Variants in ESR1 observed in about 807,000 individuals in gnomAD.
ESR1 encodes estrogen receptor 1, also known as estrogen receptor.
ESR1 carries 12 observed loss-of-function variants against 52.7 expected under a neutral mutation model. The observed-to-expected ratio is 0.23, with a 90% CI of 0.15 to 0.37. The LOEUF is 0.37. Ranked by LOEUF, ESR1 falls within the 10% of genes least tolerant of loss-of-function variation. ESR1 has a pLI of 1.00. For missense variants in ESR1, 584 were observed against 779.7 expected, an observed-to-expected ratio of 0.75 and a Z score of 2.99; for synonymous variants, 305 against 316.8, an observed-to-expected ratio of 0.96 and a Z score of 0.39.
At chr6:151,806,557 T>TATATATATATATATATATACATATAC (rs1554259008), upstream of ESR1, among the ~76,000 whole-genome samples, 1 of 133,790 alleles carries the variant, frequency 7.5e-6, no homozygotes. Flanking sequence ...TATATATATA[T>TATATATATATATATATATACATATAC]ACACATATAT....
At chr6:152,059,468 A>G (rs2047377507) in intron 5 of ESR1, among the ~76,000 whole-genome samples, 1 of 152,070 alleles carries the variant, frequency 6.6e-6, no homozygotes, top group Non-Finnish European at 1.5e-5. Context: ...ACCATAAGAA[A>G]AACAATTAAA....
intron 5 of ESR1, among the ~76,000 whole-genome samples, chr6:152,036,867 C>A (rs980758470): frequency 3.9e-5 from 6 of 152,142 alleles, no homozygotes; most frequent in Admixed American, 1.3e-4. Flanking sequence ...TGGGGAGGAA[C>A]CCTGTTTACC....
At chr6:152,006,157 A>C (rs2042316302) in intron 4 of ESR1, among the ~76,000 whole-genome samples, 1 of 152,046 alleles carries the variant, frequency 6.6e-6, no homozygotes, top group African/African-American at 2.4e-5. Context: ...ACAAGTGATT[A>C]TTTATTCCAT....
In ESR1 at chr6:152,061,175, A is replaced by G. The variant is rs1422003882; in HGVS notation, c.1369+51A>G. ...AATGCTGGATGAAATGTTTATTTGT[A>G]GTTTTCAACCAGATACGATCTACCC... On this transcript the variant is annotated intron_variant, in intron 6 of 7. Coordinates refer to ENST00000206249, the MANE Select transcript of ESR1 (RefSeq NM_000125.4). The surrounding 1 kb of genome is among the most constrained non-coding windows in gnomAD (Gnocchi z 4.3). The G allele has an allele frequency of 6.3e-7, 1 of 1,586,610 alleles. No homozygotes were observed. The highest frequency in any genetic ancestry group is 2.2e-5 in the East Asian group (1 of 44,698).
intron 6 of ESR1, among the ~76,000 whole-genome samples, chr6:152,115,549 GACTA>G (rs2051200629): frequency 6.6e-6 from 1 of 152,082 alleles, no homozygotes; most frequent in Non-Finnish European, 1.5e-5. Flanking sequence ...TCTTAATGTA[GACTA>G]ACTAGAATCT....
upstream of ESR1, among the ~76,000 whole-genome samples, chr6:151,688,938 A>G (rs1178504366): frequency 6.6e-6 from 1 of 152,232 alleles, no homozygotes; most frequent in East Asian, 1.9e-4. Flanking sequence ...AAGAAAGCAC[A>G]TATTGGAATG....
intron 1 of ESR1, among the ~76,000 whole-genome samples, chr6:151,813,726 T>G (rs930945645): frequency 2.0e-5 from 3 of 152,238 alleles, no homozygotes; most frequent in African/African-American, 7.2e-5. Flanking sequence ...TAAATAAATG[T>G]GCCATCTTTA....
chr6:151,898,875 T>C (rs867463449), intron 3 of ESR1, among the ~76,000 whole-genome samples: 4 of 152,134 alleles, frequency 2.6e-5, no homozygotes, highest in East Asian at 3.9e-4. Flanking sequence ...TCCACAAAAC[T>C]GCCATTGTCA....
intron 1 of ESR1, among the ~76,000 whole-genome samples, chr6:151,816,878 C>CA (rs1050187034): frequency 1.3e-5 from 2 of 151,622 alleles, no homozygotes; most frequent in South Asian, 2.1e-4. Context: ...CCTGTCTCTA[C>CA]AAAAAAACAA....
At chr6:152,095,216 C>A (rs940145129) in intron 7 of ESR1, among the ~76,000 whole-genome samples, 2 of 152,144 alleles carry the variant, frequency 1.3e-5, no homozygotes, top group Non-Finnish European at 2.9e-5. Flanking sequence ...CCCTTAAGTT[C>A]TCATTGCTTT....
Position 151,752,123 on chromosome 6 carries a change from C to G in ESR1, c.-71+50118C>G, listed in dbSNP as rs147517806. On this transcript the variant is annotated intron_variant, in intron 2 of 2. Transcript: ENST00000404742. Reference sequence around the variant, plus strand: ...CCTGCGTGCTGGCGAGGAAGCCCCACAGCAACAGTGGCTTTTAGCAGCTAC... The same window carrying G: ...CCTGCGTGCTGGCGAGGAAGCCCCAGAGCAACAGTGGCTTTTAGCAGCTAC... 2.3e-3 allele frequency among the ~76,000 whole-genome samples: 346 copies of G among 152,294 alleles called. 2 individuals are homozygous for G. Among genetic ancestry groups the G allele is most frequent in the African/African-American group, 7.9e-3 (329 of 41,570 alleles).
At chr6:151,717,506 C>T (rs187183466) in intron 2 of ESR1, among the ~76,000 whole-genome samples, 12 of 152,250 alleles carry the variant, frequency 7.9e-5, no homozygotes, top group Non-Finnish European at 1.3e-4. Flanking sequence ...TGATATATTT[C>T]TACATTATTT....
rs1253410779 is a variant in ESR1 at position 152,101,913 on chromosome 6, C to T, written c.*2947C>T. On this transcript the variant is annotated 3_prime_UTR_variant, in exon 8 of 8. Coordinates refer to ENST00000206249, the MANE Select transcript of ESR1 (RefSeq NM_000125.4). ...ACAGCCATTTCTAAAATGGCAGCTT[C>T]AGTTCTAGAGAAGAAAGAACAACAT... The T allele has an allele frequency of 9.1e-6, 2 of 219,806 alleles. No individual in the cohort carries two copies. Among genetic ancestry groups the T allele is most frequent in the Non-Finnish European group, 1.8e-5 (2 of 109,506 alleles). The allele number at this position is 219,806 out of a possible 1,614,324, so 13.6% of individuals were successfully genotyped here.
intron 4 of ESR1, among the ~76,000 whole-genome samples, chr6:151,956,418 C>T (rs891955078): frequency 2.6e-5 from 4 of 152,210 alleles, no homozygotes; most frequent in Admixed American, 2.6e-4. Context: ...GCCCATTTCA[C>T]ACATGAAGGA....
chr6:152,021,328 C>G (rs1351207536), intron 5 of ESR1, among the ~76,000 whole-genome samples: 1 of 152,108 alleles, frequency 6.6e-6, no homozygotes, highest in African/African-American at 2.4e-5. Flanking sequence ...CTCGGACTGG[C>G]TCTCCTTGCT....
intron 2 of ESR1, among the ~76,000 whole-genome samples, chr6:151,859,525 T>A (rs1788498057): frequency 1.3e-5 from 2 of 152,156 alleles, no homozygotes; most frequent in Admixed American, 1.3e-4. Context: ...CAGACCTTAG[T>A]GATCACAGAC....
intron 3 of ESR1, among the ~76,000 whole-genome samples, chr6:151,914,392 A>G (rs890617529): frequency 3.2e-4 from 48 of 152,366 alleles, no homozygotes; most frequent in Middle Eastern, 3.4e-3. Flanking sequence ...TGAATGACTT[A>G]AAAATCATCA....
intron 5 of ESR1, among the ~76,000 whole-genome samples, chr6:152,030,624 C>A (rs999720025): frequency 1.3e-5 from 2 of 152,070 alleles, no homozygotes; most frequent in African/African-American, 2.4e-5. Context: ...ACAGGAGCAC[C>A]CAGATTCATA....
At chr6:152,024,152 A>G (rs565868928) in intron 5 of ESR1, among the ~76,000 whole-genome samples, 1 of 149,404 alleles carries the variant, frequency 6.7e-6, no homozygotes, top group East Asian at 2.0e-4. Context: ...TTCTCAAGTG[A>G]TTTGAGATCT....
Sources: gnomAD v4.1 joint callset for allele counts (sites outside exome capture counted in the v4.1 genomes callset) on GRCh38, gnomAD v4.1.1 for gene constraint, Gnocchi (gnomAD v3.1) non-coding constraint, MANE v1.5 for transcripts, NCBI Gene and HGNC (gene_info 2026-07-23, HGNC 2026-07-21) for gene names.